CNNM4: variants seen among roughly 807,000 people sequenced by gnomAD.
The protein encoded by CNNM4 is cyclin and CBS domain divalent metal cation transport mediator 4, also known as metal transporter CNNM4.
A neutral mutation model predicts 53.7 loss-of-function variants in CNNM4; 32 were observed. The observed-to-expected ratio is 0.60, with a 90% CI of 0.45 to 0.80. The LOEUF is 0.80. CNNM4 is among the 30% of genes least tolerant of loss of function. CNNM4 has a pLI of 0.00. For synonymous variants in CNNM4, 410 were observed against 440.0 expected (o/e 0.93, Z 0.85); for missense variants, 784 against 1,022.0 (o/e 0.77, Z 3.17).
chr2:96,795,493 C>A (rs560281622), intron 1 of CNNM4, among the ~76,000 whole-genome samples: 1 of 152,264 alleles, frequency 6.6e-6, no homozygotes, highest in South Asian at 2.1e-4. Flanking sequence ...CAGTACCCCC[C>A]CCCCCATCAC....
intron 1 of CNNM4, among the ~76,000 whole-genome samples, chr2:96,794,877 C>A (rs190584723): frequency 6.6e-6 from 1 of 152,242 alleles, no homozygotes; most frequent in Non-Finnish European, 1.5e-5. Flanking sequence ...TTAGAGGGTG[C>A]CCATCTGGAA....
chr2:96,801,984 CACAG>C lies in CNNM4; in HGVS notation c.1948+2340_1948+2343del, dbSNP rs1384683741. Among the ~76,000 whole-genome samples the C allele has an allele frequency of 1.3e-5, 2 of 150,726 alleles. No individual in the cohort carries two copies. The highest frequency in any genetic ancestry group is 2.4e-5 in the African/African-American group (1 of 40,918). ...ATAGGCACACACACAAAGAGACACA[CACAG>C]ACACACACCCATGGACACACACACA... On this transcript the variant is annotated intron_variant, in intron 5 of 6. Transcript: ENST00000377075. The surrounding 1 kb of genome is among the most constrained non-coding windows in gnomAD (Gnocchi z 5.6).
At chr2:96,776,186 C>T (rs1016589790) in intron 1 of CNNM4, among the ~76,000 whole-genome samples, 6 of 151,946 alleles carry the variant, frequency 3.9e-5, no homozygotes, top group African/African-American at 9.7e-5. Context: ...CACACCACCA[C>T]GCCTGGCTAA....
rs777938752 is a variant in CNNM4, at chr2:96,809,503, G to T, written c.2314G>T (p.Glu772Ter). 2 of 1,614,152 alleles carry T rather than the reference G, an allele frequency of 1.2e-6. No homozygotes were observed. Among genetic ancestry groups the T allele is most frequent in the South Asian group, 2.2e-5 (2 of 91,078 alleles). The change falls in exon 7 of 7, where the codon GAG (glutamate) becomes TAG (stop). Residue 772 changes from glutamate to a stop codon, truncating the protein, a stop_gained. Transcript: ENST00000377075. LOFTEE classifies it high-confidence loss of function. Reference sequence around the variant, plus strand: ...CTCCTTGCTGCACAAAGCCTCCCACGAGAATGCCATCTGACAGGAGGGCCC... The same window carrying T: ...CTCCTTGCTGCACAAAGCCTCCCACTAGAATGCCATCTGACAGGAGGGCCC... ...RNSLLHKASH[E>*]NAI
chr2:96,787,309 T>G (rs770101867), intron 1 of CNNM4, among the ~76,000 whole-genome samples: 4 of 152,248 alleles, frequency 2.6e-5, no homozygotes, highest in Admixed American at 2.0e-4. Flanking sequence ...TACCAATCTC[T>G]GAAATCTTGA....
chr2:96,764,966 G>A (rs1203346276), intron 1 of CNNM4, among the ~76,000 whole-genome samples: 1 of 143,866 alleles, frequency 7.0e-6, no homozygotes, highest in Non-Finnish European at 1.5e-5. Flanking sequence ...CAGCTTGGGC[G>A]ACTGAGCAAG....
In CNNM4 at chr2:96,761,788, C is replaced by G. The variant is rs1310238788; in HGVS notation, c.789C>G (p.Asn263Lys). 1.2e-6 allele frequency: 2 copies of G among 1,613,288 alleles called. No homozygotes were observed. Among genetic ancestry groups the G allele is most frequent in the African/African-American group, 2.7e-5 (2 of 74,936 alleles). Reference sequence around the variant, plus strand: ...CCTCCCTCACAATCCTTCTAGACAACCTCATCGGGTCCGGCCTCATGGCGG... The same window carrying G: ...CCTCCCTCACAATCCTTCTAGACAAGCTCATCGGGTCCGGCCTCATGGCGG... The part of the protein sequence containing the change: ...VNTSLTILLD[N>K]LIGSGLMAVA... Residue 263 changes from asparagine to lysine, a missense_variant, in exon 1 of 7, where the codon AAC (asparagine) becomes AAG (lysine). Around this residue, in one of 3 missense-constraint regions of CNNM4, gnomAD observed 473 missense variants for 624.6 expected, o/e 0.76. Transcript: ENST00000377075. The surrounding 1 kb of genome is among the most constrained non-coding windows in gnomAD (Gnocchi z 6.0).
Position 96,761,810 on chromosome 2 carries a change from G to A in CNNM4, c.811G>A (p.Ala271Thr). ...LDNLIGSGLMAVASSTIGIVI... is the reference protein window; with the variant it reads ...LDNLIGSGLMTVASSTIGIVI... ...CAACCTCATCGGGTCCGGCCTCATG[G>A]CGGTGGCCTCCTCCACCATTGGCAT... Residue 271 changes from alanine to threonine, a missense_variant, in exon 1 of 7, where the codon GCG (alanine) becomes ACG (threonine). Ala to Thr is a moderately conservative substitution (Grantham distance 58, BLOSUM62 0). Transcript: ENST00000377075. This position sits in a 1 kb window ranked among gnomAD's most constrained non-coding sequence, Gnocchi z 6.0. 1 of 1,613,950 alleles carries A rather than the reference G, an allele frequency of 6.2e-7. No individual in the cohort carries two copies. Among genetic ancestry groups the A allele is most frequent in the Non-Finnish European group, 8.5e-7 (1 of 1,180,032 alleles).
chr2:96,804,983 C>T (rs2079188971), intron 5 of CNNM4, among the ~76,000 whole-genome samples: 1 of 151,684 alleles, frequency 6.6e-6, no homozygotes, highest in Non-Finnish European at 1.5e-5. Flanking sequence ...ATAGCAAGAC[C>T]CTTTAAAAAA....
intron 1 of CNNM4, among the ~76,000 whole-genome samples, chr2:96,792,205 C>T (rs1227543528): frequency 6.8e-6 from 1 of 146,370 alleles, no homozygotes; most frequent in Non-Finnish European, 1.5e-5. Flanking sequence ...GAGATCACGC[C>T]ACTGCACTCC....
chr2:96,783,528 C>T (rs2078991695), intron 1 of CNNM4, among the ~76,000 whole-genome samples: 1 of 152,156 alleles, frequency 6.6e-6, no homozygotes. Context: ...CCTTGTTTTT[C>T]TCCTTGCTTT....
chr2:96,792,435 C>T (rs914551562), intron 1 of CNNM4, among the ~76,000 whole-genome samples: 6 of 152,014 alleles, frequency 3.9e-5, no homozygotes, highest in Non-Finnish European at 8.8e-5. Context: ...TTCGGCCTCC[C>T]TTCCCCTTCC....
rs1343233892 is a variant in CNNM4, at chr2:96,797,757, G to A, written c.1681+110G>A. ...GGACGAGGGCTGCAGCAGGTGAGGG[G>A]TGCAGAGACAACACAGCCACCCCTG... On this transcript the variant is annotated intron_variant, in intron 3 of 6. Coordinates refer to ENST00000377075, the MANE Select transcript of CNNM4 (RefSeq NM_020184.4). The surrounding 1 kb of genome is among the most constrained non-coding windows in gnomAD (Gnocchi z 6.0). 6.9e-7 allele frequency: 1 copy of A among 1,457,274 alleles called. No individual in the cohort carries two copies. Among genetic ancestry groups the A allele is most frequent in the Non-Finnish European group, 9.4e-7 (1 of 1,068,062 alleles). 90.3% of individuals were successfully genotyped at this position (1,457,274 alleles called of 1,614,324 possible).
At chr2:96,806,535 ACG>A (rs1553479692) in intron 5 of CNNM4, among the ~76,000 whole-genome samples, 1,858 of 123,948 alleles carry the variant, frequency 0.015, 29 homozygotes, top group African/African-American at 0.043. Context: ...ACACACACAC[ACG>A]CGCGCGCGCG....
intron 1 of CNNM4, among the ~76,000 whole-genome samples, chr2:96,774,135 T>C (rs2078903260): frequency 6.6e-6 from 1 of 152,266 alleles, no homozygotes; most frequent in African/African-American, 2.4e-5. Flanking sequence ...AGGAGCGTCA[T>C]GTGAGGGCTG....
Position 96,804,769 on chromosome 2 carries a change from T to C in CNNM4, c.1949-3792T>C, listed in dbSNP as rs894291620. On this transcript the variant is annotated intron_variant, in intron 5 of 6. Coordinates refer to ENST00000377075, the MANE Select transcript of CNNM4 (RefSeq NM_020184.4). ...CAGGCTGGTCTTGAACTCCTGATGT[T>C]AGGTGATCCGCCCGCCTCAGCCTCC... is the stretch of plus-strand genomic sequence containing the variant. 2.0e-4 allele frequency among the ~76,000 whole-genome samples: 30 copies of C among 150,996 alleles called. 1 individual carries two copies. The highest frequency in any genetic ancestry group is 7.3e-4 in the African/African-American group (30 of 41,078).
chr2:96,800,963 T>A lies in CNNM4; in HGVS notation c.1948+1315T>A. ...CATGTCCCTTTCTCCACTGGGCCCA[T>A]CTCTGCCCAAAGCAGCCTGGCCCCG... On this transcript the variant is annotated intron_variant, in intron 5 of 6. Transcript: ENST00000377075. The surrounding 1 kb of genome is among the most constrained non-coding windows in gnomAD (Gnocchi z 4.6). 1 of 303,930 alleles carries A rather than the reference T, an allele frequency of 3.3e-6. No individual in the cohort carries two copies. The highest frequency in any genetic ancestry group is 4.8e-6 in the Non-Finnish European group (1 of 207,064). 18.8% of individuals were successfully genotyped at this position (303,930 alleles called of 1,614,324 possible).
Position 96,800,130 on chromosome 2 carries a change from T to C in CNNM4, c.1948+482T>C, listed in dbSNP as rs1288077677. Among the ~76,000 whole-genome samples the C allele has an allele frequency of 6.6e-6, 1 of 151,896 alleles. No homozygotes were observed. The highest frequency in any genetic ancestry group is 6.5e-5 in the Admixed American group (1 of 15,270). On this transcript the variant is annotated intron_variant, in intron 5 of 6. Coordinates refer to ENST00000377075, the MANE Select transcript of CNNM4 (RefSeq NM_020184.4). The surrounding 1 kb of genome is among the most constrained non-coding windows in gnomAD (Gnocchi z 4.6). The stretch of plus-strand genomic sequence containing the variant: ...GGTTTTGGTTAGAGGTCAGCTCCGA[T>C]GGAATAAAGGGCCTTGGGGACAGAC...
chr2:96,769,617 T>A (rs189025333), intron 1 of CNNM4, among the ~76,000 whole-genome samples: 1 of 147,582 alleles, frequency 6.8e-6, no homozygotes, highest in Admixed American at 6.8e-5. Flanking sequence ...GCAGGGGGTG[T>A]CAGTGTGTAA....
Sources: allele counts gnomAD v4.1 joint callset (sites outside exome capture counted in the v4.1 genomes callset), GRCh38; gene constraint gnomAD v4.1.1; regional missense constraint gnomAD v4.1.1; non-coding constraint Gnocchi (gnomAD v3.1); transcripts MANE v1.5; gene names NCBI Gene and HGNC (gene_info 2026-07-23, HGNC 2026-07-21).